TJAP1: variants seen among roughly 807,000 people sequenced by gnomAD.
TJAP1 encodes the protein tight junction associated protein 1, also known as tight junction-associated protein 1.
TJAP1 carries 27 observed loss-of-function variants against 42.0 expected under a neutral mutation model. The ratio of observed to expected loss-of-function variants is 0.64; its 90% confidence interval spans 0.47 to 0.89. TJAP1 has a LOEUF of 0.89. Ranked by LOEUF, TJAP1 falls within the 40% of genes least tolerant of loss-of-function variation. The pLI is 0.00. For missense variants in TJAP1, 712 were observed against 726.9 expected, an observed-to-expected ratio of 0.98 and a Z score of 0.24; for synonymous variants, 257 against 288.4, an observed-to-expected ratio of 0.89 and a Z score of 1.10.
intron 3 of TJAP1, among the ~76,000 whole-genome samples, chr6:43,498,393 T>C (rs1194252023): frequency 6.6e-6 from 1 of 152,006 alleles, no homozygotes; most frequent in Non-Finnish European, 1.5e-5. Flanking sequence ...AGACGCTGTG[T>C]ACAAAAAATA....
Position 43,505,698 on chromosome 6 carries a change from C to G in TJAP1, c.1517C>G (p.Thr506Arg), listed in dbSNP as rs1192720346. The change falls in exon 11 of 11, where the codon ACA becomes AGA. Residue 506 changes from threonine to arginine, a missense_variant. Coordinates refer to ENST00000372449, the Ensembl canonical transcript of TJAP1. The surrounding 1 kb of genome is among the most constrained non-coding windows in gnomAD (Gnocchi z 5.5). ...AGCCTGCTGCCCATTAACAGGGGCA[C>G]AGAGGAGGGGCCAGGCACTTCCCAC... 6.3e-6 allele frequency: 10 copies of G among 1,598,478 alleles called. No individual in the cohort carries two copies. Among genetic ancestry groups the G allele is most frequent in the Non-Finnish European group, 8.5e-6 (10 of 1,170,632 alleles).
At chr6:43,481,791 C>T (rs1173832109) in intron 2 of TJAP1, among the ~76,000 whole-genome samples, 1 of 152,102 alleles carries the variant, frequency 6.6e-6, no homozygotes, top group Non-Finnish European at 1.5e-5. Flanking sequence ...CTTTCCTTTG[C>T]CCTGTATTTA....
At chr6:43,501,744 ACACACACACACACACT>A (rs1381912582) in intron 6 of TJAP1, 57 bp downstream of exon 6, 128 of 685,932 alleles carry the variant, frequency 1.9e-4, no homozygotes, top group African/African-American at 1.5e-3. Context: ...ACACACACAC[ACACACACACACACACT>A]CTCTCTGTCT....
rs958499783 is a variant in TJAP1 at position 43,492,292 on chromosome 6, AG to A, written c.-121-5584del. On this transcript the variant is annotated intron_variant, in intron 2 of 10. Transcript: ENST00000372449. This position sits in a 1 kb window ranked among gnomAD's most constrained non-coding sequence, Gnocchi z 4.2. Reference sequence around the variant, plus strand: ...TCAATCTGTTTGGTTTAGAGTAGGCAGGGGGCCAGGTCAGGGCTGCAGGCAA... The same window carrying A: ...TCAATCTGTTTGGTTTAGAGTAGGCAGGGGCCAGGTCAGGGCTGCAGGCAA... Among the ~76,000 whole-genome samples, 1 of 152,152 alleles carries A rather than the reference AG, an allele frequency of 6.6e-6. No homozygotes were observed. Among genetic ancestry groups the A allele is most frequent in the African/African-American group, 2.4e-5 (1 of 41,430 alleles).
chr6:43,485,751 T>C (rs1453237052), intron 2 of TJAP1, among the ~76,000 whole-genome samples: 1 of 152,188 alleles, frequency 6.6e-6, no homozygotes, highest in African/African-American at 2.4e-5. Context: ...CAATGTTGGT[T>C]ACTGTGTGAC....
chr6:43,485,410 T>A (rs1786236915), intron 2 of TJAP1, among the ~76,000 whole-genome samples: 1 of 152,194 alleles, frequency 6.6e-6, no homozygotes, highest in Non-Finnish European at 1.5e-5. Flanking sequence ...ATGGGGGTAG[T>A]CCTTAGAGCC....
chr6:43,500,905 C>T (rs1790376668), intron 5 of TJAP1, 133 bp downstream of exon 5: 2 of 1,005,562 alleles, frequency 2.0e-6, no homozygotes, highest in East Asian at 4.8e-5. Context: ...GTTTTAGGGA[C>T]TCTGGGAGGA....
At chr6:43,486,994 C>T (rs1581934759) in intron 2 of TJAP1, among the ~76,000 whole-genome samples, 3 of 152,162 alleles carry the variant, frequency 2.0e-5, no homozygotes, top group East Asian at 1.9e-4. Flanking sequence ...TAATAAACTG[C>T]GTTTTATGTT....
intron 10 of TJAP1, 102 bp from the exon 11 acceptor site, chr6:43,504,659 T>G (rs1412959957): frequency 1.4e-6 from 2 of 1,428,994 alleles, no homozygotes; most frequent in Non-Finnish European, 1.9e-6. Flanking sequence ...GAGTGCTGAG[T>G]ACACAGAGGT....
chr6:43,502,371 C>T (rs1041972926), intron 7 of TJAP1, 22 bp downstream of exon 7: 1 of 1,611,934 alleles, frequency 6.2e-7, no homozygotes, highest in Non-Finnish European at 8.5e-7. Context: ...GGGAGGGCAG[C>T]TTGGTGGGCA....
rs1222558135 is a variant in TJAP1 at position 43,505,452 on chromosome 6, C to T, written c.1271C>T (p.Pro424Leu). The change falls in exon 11 of 11, where the codon CCA becomes CTA. Residue 424 changes from proline to leucine, a missense_variant. Around this residue, in one of 3 missense-constraint regions of TJAP1, gnomAD observed 549 missense variants for 528.2 expected, o/e 1.04. Coordinates refer to ENST00000372449, the Ensembl canonical transcript of TJAP1. The surrounding 1 kb of genome is among the most constrained non-coding windows in gnomAD (Gnocchi z 5.5). The stretch of plus-strand genomic sequence containing the variant: ...CGGGCATTTGTGGACCGTACTCCAC[C>T]ACCTGCTGCTGTGGCCCAGCGCACA... The T allele has an allele frequency of 1.2e-6, 2 of 1,613,428 alleles. No homozygotes were observed. Among genetic ancestry groups the T allele is most frequent in the Non-Finnish European group, 8.5e-7 (1 of 1,180,022 alleles).
intron 2 of TJAP1, among the ~76,000 whole-genome samples, chr6:43,494,608 T>TG: frequency 1.8e-5 from 1 of 56,354 alleles, no homozygotes; most frequent in Admixed American, 2.7e-4. Flanking sequence ...AGGTTTAGTT[T>TG]GGGGTGGGGG....
At chr6:43,499,041 G>T (rs962174012) in exon 4 of TJAP1, 1 of 1,614,026 alleles carries the variant, frequency 6.2e-7, no homozygotes, top group Non-Finnish European at 8.5e-7. Flanking sequence ...CTACCGTAAG[G>T]CACCACCAGA....
At chr6:43,503,539 C>T (rs1791458386) in intron 9 of TJAP1, 31 bp downstream of exon 9, 2 of 1,610,914 alleles carry the variant, frequency 1.2e-6, no homozygotes, top group Non-Finnish European at 1.7e-6. Flanking sequence ...GGGCCTTCCT[C>T]ACCTGGGGCT....
intron 8 of TJAP1, 99 bp downstream of exon 8, chr6:43,502,716 T>G: frequency 7.7e-7 from 1 of 1,299,132 alleles, no homozygotes; most frequent in Non-Finnish European, 1.1e-6. Flanking sequence ...GCCCCTTGAG[T>G]ACACCCGCTC....
At chr6:43,500,095 C>T (rs541185934) in intron 4 of TJAP1, among the ~76,000 whole-genome samples, 1 of 152,324 alleles carries the variant, frequency 6.6e-6, no homozygotes, top group East Asian at 1.9e-4. Flanking sequence ...AGAATAGGCC[C>T]CTTGATGTTT....
At chr6:43,480,598 G>T (rs1285650928) in intron 2 of TJAP1, among the ~76,000 whole-genome samples, 1 of 151,980 alleles carries the variant, frequency 6.6e-6, no homozygotes, top group African/African-American at 2.4e-5. Context: ...CACTGCAACC[G>T]CCGCCTCCCA....
rs758696579 is a variant in TJAP1, at chr6:43,492,362, G to A, written c.-121-5519G>A. Among the ~76,000 whole-genome samples the A allele has an allele frequency of 1.6e-3, 244 of 152,296 alleles. No individual in the cohort carries two copies. Among genetic ancestry groups the A allele is most frequent in the Non-Finnish European group, 2.7e-3 (181 of 68,026 alleles). The stretch of plus-strand genomic sequence containing the variant: ...GGTTGTACTTGCCCAGAGGGGTGGC[G>A]GGCATAGCTGTTGGAGGGGCAGCAG... On this transcript the variant is annotated intron_variant, in intron 2 of 10. Coordinates refer to ENST00000372449, the Ensembl canonical transcript of TJAP1. This position sits in a 1 kb window ranked among gnomAD's most constrained non-coding sequence, Gnocchi z 4.2.
At position 43,505,451 on chromosome 6, in the gene TJAP1, C is replaced by T. The variant is rs771050883; in HGVS notation, c.1270C>T (p.Pro424Ser). 6.2e-7 allele frequency: 1 copy of T among 1,613,408 alleles called. No homozygotes were observed. The highest frequency in any genetic ancestry group is 1.3e-5 in the African/African-American group (1 of 75,058). The stretch of plus-strand genomic sequence containing the variant: ...GCGGGCATTTGTGGACCGTACTCCA[C>T]CACCTGCTGCTGTGGCCCAGCGCAC... Residue 424 changes from proline (P) to serine (S), a missense_variant, in exon 11 of 11, where the codon CCA becomes TCA. Physicochemically the swap from Pro to Ser is moderately conservative, Grantham distance 74. This residue lies in a region of TJAP1 where 549 missense variants were observed against 528.2 expected (regional missense o/e 1.04). Transcript: ENST00000372449. The surrounding 1 kb of genome is among the most constrained non-coding windows in gnomAD (Gnocchi z 5.5).
Sources: gnomAD v4.1 joint callset for allele counts (sites outside exome capture counted in the v4.1 genomes callset) on GRCh38, gnomAD v4.1.1 for gene constraint, gnomAD v4.1.1 regional missense constraint, Gnocchi (gnomAD v3.1) non-coding constraint, MANE v1.5 for transcripts, NCBI Gene and HGNC (gene_info 2026-07-23, HGNC 2026-07-21) for gene names.